WNT7A: variants seen among roughly 807,000 people sequenced by gnomAD.
WNT7A encodes Wnt family member 7A.
In WNT7A, 16 loss-of-function variants were observed where a neutral mutation model predicts 28.2. The observed-to-expected ratio is 0.57, with a 90% CI of 0.38 to 0.86. The LOEUF is 0.86. WNT7A is among the 40% of genes least tolerant of loss of function. WNT7A has a pLI of 0.00. For missense variants in WNT7A, 411 were observed against 489.7 expected (o/e 0.84, Z 1.52); for synonymous variants, 190 against 195.9 (o/e 0.97, Z 0.25).
chr3:13,848,988 G>A (rs12492784), intron 3 of WNT7A, among the ~76,000 whole-genome samples: 58,141 of 152,132 alleles, frequency 0.38, 11,662 homozygotes, highest in African/African-American at 0.49. Flanking sequence ...AAAGAAGCTC[G>A]TCTGGAAAGG....
At chr3:13,850,221 G>A (rs1467631611) in intron 3 of WNT7A, among the ~76,000 whole-genome samples, 1 of 152,204 alleles carries the variant, frequency 6.6e-6, no homozygotes, top group Non-Finnish European at 1.5e-5. Flanking sequence ...CTTCGGGCTG[G>A]GCGGGGCCTG....
intron 3 of WNT7A, among the ~76,000 whole-genome samples, chr3:13,850,082 C>G (rs1287050745): frequency 6.6e-6 from 1 of 152,248 alleles, no homozygotes; most frequent in Non-Finnish European, 1.5e-5. Context: ...GCTCCAAGTC[C>G]CCTGAGTCCT....
intron 3 of WNT7A, among the ~76,000 whole-genome samples, chr3:13,829,020 G>A (rs540971221): frequency 5.3e-5 from 8 of 152,228 alleles, no homozygotes; most frequent in South Asian, 2.1e-4. Context: ...CTCTGACCAC[G>A]GAGGCCGAAA....
In WNT7A at chr3:13,845,276, A is replaced by C. The variant is rs533577540; in HGVS notation, c.570+9256T>G. ...CAGGCCCCTTAGTAGTCAACGTCTC[A>C]GCCCTTACTCCGTGCCCGCCACTCT... is the stretch of plus-strand genomic sequence containing the variant. On this transcript the variant is annotated intron_variant, in intron 3 of 3. Transcript: ENST00000285018. Among the ~76,000 whole-genome samples, 18 of 152,254 alleles carry C rather than the reference A, an allele frequency of 1.2e-4. No homozygotes were observed. In the South Asian group the frequency reaches 2.5e-3, roughly 21 times the overall value.
rs770000779 is a variant in WNT7A at position 13,857,113 on chromosome 3, C to CA, written c.299-2311dup. The stretch of plus-strand genomic sequence containing the variant: ...GGAACAGGCTCGATTTCTGGTCCAG[C>CA]AATAAAACCCAACAATGCCTTTGCT... On this transcript the variant is annotated intron_variant, in intron 2 of 3. Transcript: ENST00000285018. 9.7e-4 allele frequency among the ~76,000 whole-genome samples: 147 copies of CA among 152,258 alleles called. 1 individual carries two copies. The highest frequency in any genetic ancestry group is 2.9e-4 in the Non-Finnish European group (20 of 68,026).
chr3:13,826,891 A>G (rs1694204958), intron 3 of WNT7A, among the ~76,000 whole-genome samples: 1 of 152,274 alleles, frequency 6.6e-6, no homozygotes, highest in Non-Finnish European at 1.5e-5. Flanking sequence ...CCTAATGCCC[A>G]CAATAAAGAA....
rs1035084512 is a variant in WNT7A, at chr3:13,879,859, T to C, written c.-43A>G. 1.3e-6 allele frequency: 2 copies of C among 1,527,936 alleles called. No homozygotes were observed. Among genetic ancestry groups the C allele is most frequent in the African/African-American group, 1.4e-5 (1 of 70,866 alleles). 94.6% of individuals were successfully genotyped at this position (1,527,936 alleles called of 1,614,324 possible). On this transcript the variant is annotated 5_prime_UTR_variant, in exon 1 of 4. Coordinates refer to ENST00000285018, the MANE Select transcript of WNT7A (RefSeq NM_004625.4). Reference sequence around the variant, plus strand: ...GGGGCCGCGGGCCGGGCTGTGCTGATCCCGCGGGCCGGCCCCGGCGGGGCA... The same window carrying C: ...GGGGCCGCGGGCCGGGCTGTGCTGACCCCGCGGGCCGGCCCCGGCGGGGCA...
At chr3:13,867,316 C>T (rs377475767) in intron 2 of WNT7A, among the ~76,000 whole-genome samples, 1 of 152,166 alleles carries the variant, frequency 6.6e-6, no homozygotes. Flanking sequence ...GGCAGCCCCA[C>T]ACCTGCAGCA....
rs570917769 is a variant in WNT7A, at chr3:13,877,566, C to T, written c.71+2180G>A. 7.9e-5 allele frequency among the ~76,000 whole-genome samples: 12 copies of T among 152,358 alleles called. No individual in the cohort carries two copies. The South Asian group carries it at 2.3e-3, about 29-fold the overall frequency. On this transcript the variant is annotated intron_variant, in intron 1 of 3. Transcript: ENST00000285018. ...AAAATTCATAGGTGCAATAGACTAGCCCCTAAGGGTCTGGCCTAGGTTCTC... is the reference window on the plus strand; with the variant it reads ...AAAATTCATAGGTGCAATAGACTAGTCCCTAAGGGTCTGGCCTAGGTTCTC...
At position 13,854,807 on chromosome 3, in the gene WNT7A, CGAG is replaced by C; in HGVS notation, c.299-7_299-5del. ...GTGAACGCAGCCTCCCGGCTCCCTG[CGAG>C]GAGGAGAGAAGAGGAGACAAGTTGG... On this transcript the variant is annotated splice_polypyrimidine_tract_variant and splice_region_variant and intron_variant, in intron 2 of 3. Coordinates refer to ENST00000285018, the MANE Select transcript of WNT7A (RefSeq NM_004625.4). 6.2e-7 allele frequency: 1 copy of C among 1,611,812 alleles called. No individual in the cohort carries two copies. The highest frequency in any genetic ancestry group is 8.5e-7 in the Non-Finnish European group (1 of 1,180,030).
intron 2 of WNT7A, among the ~76,000 whole-genome samples, chr3:13,867,950 G>A (rs942406013): frequency 6.6e-6 from 1 of 152,346 alleles, no homozygotes; most frequent in East Asian, 1.9e-4. Flanking sequence ...CAGTGTTGGA[G>A]CTGTGCTTCC....
intron 2 of WNT7A, among the ~76,000 whole-genome samples, chr3:13,868,256 G>T (rs534842352): frequency 1.3e-5 from 2 of 152,116 alleles, no homozygotes; most frequent in East Asian, 3.9e-4. Flanking sequence ...TGCTTTGGGA[G>T]GCCAAGGCAG....
At chr3:13,832,928 G>A (rs1284415890) in intron 3 of WNT7A, among the ~76,000 whole-genome samples, 1 of 152,068 alleles carries the variant, frequency 6.6e-6, no homozygotes, top group Non-Finnish European at 1.5e-5. Context: ...GCTGTCTATG[G>A]CTCCTGAGGT....
intron 3 of WNT7A, among the ~76,000 whole-genome samples, chr3:13,828,674 G>A (rs1052012099): frequency 5.9e-5 from 9 of 152,188 alleles, no homozygotes; most frequent in East Asian, 1.9e-4. Context: ...GCTGGAGCTC[G>A]AGACTCTGGG....
In WNT7A at chr3:13,817,133, G is replaced by A. The variant is rs1694016430; in HGVS notation, c.*1811C>T. Reference sequence around the variant, plus strand: ...AGAGGTGTCTGGTTTTCACCCATGGGTGTGGGGACAGAGTTCAGAGGTGCC... The same window carrying A: ...AGAGGTGTCTGGTTTTCACCCATGGATGTGGGGACAGAGTTCAGAGGTGCC... On this transcript the variant is annotated 3_prime_UTR_variant, in exon 4 of 4. Coordinates refer to ENST00000285018, the MANE Select transcript of WNT7A (RefSeq NM_004625.4). 1.3e-5 allele frequency: 2 copies of A among 152,306 alleles called. No individual in the cohort carries two copies. Among genetic ancestry groups the A allele is most frequent in the African/African-American group, 4.8e-5 (2 of 41,432 alleles). 9.4% of individuals were successfully genotyped at this position (152,306 alleles called of 1,614,324 possible). A position where few individuals can be genotyped will look rare whatever the true frequency, so the allele number is the denominator to read the frequency against.
At chr3:13,824,919 C>T (rs1464106412) in intron 3 of WNT7A, among the ~76,000 whole-genome samples, 2 of 152,158 alleles carry the variant, frequency 1.3e-5, no homozygotes, top group East Asian at 1.9e-4. Context: ...AATTACGGCA[C>T]ATCTATGAGT....
intron 1 of WNT7A, among the ~76,000 whole-genome samples, chr3:13,878,116 G>T (rs1430193892): frequency 7.9e-5 from 12 of 152,170 alleles, no homozygotes; most frequent in Non-Finnish European, 4.4e-5. Context: ...CGCCCTGCAG[G>T]ACTCCCTCCC....
intron 2 of WNT7A, among the ~76,000 whole-genome samples, chr3:13,864,074 A>AG (rs1694873691): frequency 6.6e-6 from 1 of 152,158 alleles, no homozygotes; most frequent in Non-Finnish European, 1.5e-5. Flanking sequence ...AAATTCCGGC[A>AG]GGGGGGTACC....
intron 2 of WNT7A, among the ~76,000 whole-genome samples, chr3:13,873,755 C>T (rs1050762699): frequency 6.6e-6 from 1 of 152,110 alleles, no homozygotes; most frequent in Non-Finnish European, 1.5e-5. Context: ...TCGAAAAGGT[C>T]TAGAAGACCT....
Sources: gnomAD v4.1 joint callset for allele counts (sites outside exome capture counted in the v4.1 genomes callset) on GRCh38, gnomAD v4.1.1 for gene constraint, MANE v1.5 for transcripts, NCBI Gene and HGNC (gene_info 2026-07-23, HGNC 2026-07-21) for gene names.